The following CPSF2 variants were observed in gnomAD, a reference collection of about 807,000 sequenced individuals.
The protein encoded by CPSF2 is cleavage and polyadenylation specificity factor subunit 2.
Under a neutral mutation model 84.2 loss-of-function variants are expected in CPSF2, and 51 were observed. The ratio of observed to expected loss-of-function variants is 0.61; its 90% CI spans 0.48 to 0.77. The LOEUF is 0.77. Ranked by LOEUF, CPSF2 falls within the 30% of genes least tolerant of loss-of-function variation. The probability of loss-of-function intolerance (pLI) is 0.00; values close to 1 mark genes in which losing one functional copy is unlikely to be tolerated. For missense variants in CPSF2, 641 were observed against 929.4 expected, an observed-to-expected ratio of 0.69 and a Z score of 4.03; for synonymous variants, 286 against 311.9, an observed-to-expected ratio of 0.92 and a Z score of 0.87.
At chr14:92,145,521 T>G (rs1202017566) in intron 9 of CPSF2, among the ~76,000 whole-genome samples, 9 of 152,216 alleles carry the variant, frequency 5.9e-5, no homozygotes, top group Non-Finnish European at 8.8e-5. Context: ...AAATCTGAGA[T>G]ATATGTACTA....
At chr14:92,146,185 T>C (rs548615843) in intron 9 of CPSF2, among the ~76,000 whole-genome samples, 1 of 152,352 alleles carries the variant, frequency 6.6e-6, no homozygotes, top group South Asian at 2.1e-4. Flanking sequence ...TTCTGTGGCA[T>C]GTTGGGCAGA....
At position 92,142,201 on chromosome 14, in the gene CPSF2, G is replaced by A. The variant is rs1332400201; in HGVS notation, c.699G>A (p.Val233=). 6.2e-7 allele frequency: 1 copy of A among 1,613,312 alleles called. No homozygotes were observed. Among genetic ancestry groups the A allele is most frequent in the Non-Finnish European group, 8.5e-7 (1 of 1,179,490 alleles). The stretch of plus-strand genomic sequence containing the variant: ...AAACACTTCGAGGTGATGGAAATGT[G>A]TTAATAGCAGTGGACACAGCAGGCA... ...VLETLRGDGN[V]LIAVDTAGRV... is the part of the protein sequence containing the mutation. The change falls in exon 8 of 16, where the codon GTG becomes GTA. Residue 233 remains valine, a synonymous_variant. Coordinates refer to ENST00000298875, the MANE Select transcript of CPSF2 (RefSeq NM_017437.3).
At chr14:92,132,922 C>T (rs2068951425) in intron 3 of CPSF2, among the ~76,000 whole-genome samples, 1 of 151,562 alleles carries the variant, frequency 6.6e-6, no homozygotes, top group African/African-American at 2.4e-5. Context: ...GAAAGTGTGT[C>T]TCTACTAAAA....
In CPSF2 at chr14:92,156,460, T is replaced by A. The variant is rs2069291660; in HGVS notation, c.1443-19T>A. 1 of 1,600,602 alleles carries A rather than the reference T, an allele frequency of 6.2e-7. No homozygotes were observed. Among genetic ancestry groups the A allele is most frequent in the South Asian group, 1.1e-5 (1 of 89,708 alleles). On this transcript the variant is annotated intron_variant, in intron 11 of 15. Coordinates refer to ENST00000298875, the MANE Select transcript of CPSF2 (RefSeq NM_017437.3). ...TTAGCTTGCTTTTTACTGCTTCTAA[T>A]TAGAGACTTATTATTTAGACCAGAG...
At chr14:92,159,388 G>A in intron 14 of CPSF2, 106 bp downstream of exon 14, 1 of 823,848 alleles carries the variant, frequency 1.2e-6, no homozygotes. Flanking sequence ...TGGGTCTGTG[G>A]AACCTTTTAT....
intron 1 of CPSF2, among the ~76,000 whole-genome samples, chr14:92,125,287 C>G (rs756995390): frequency 6.6e-6 from 1 of 152,112 alleles, no homozygotes; most frequent in Non-Finnish European, 1.5e-5. Flanking sequence ...GAAGAATAAT[C>G]AGGAACTGGT....
intron 7 of CPSF2, 115 bp from the exon 8 acceptor site, chr14:92,142,049 G>T: frequency 1.3e-6 from 1 of 794,252 alleles, no homozygotes; most frequent in Non-Finnish European, 1.9e-6. Flanking sequence ...TGGCCTAGTA[G>T]TTGCTTATTT....
rs2069311316 is a variant in CPSF2, at chr14:92,157,854, T to C, written c.1791T>C (p.Val597=). Residue 597 remains valine, a synonymous_variant, in exon 13 of 16, where the codon GTT becomes GTC. Coordinates refer to ENST00000298875, the MANE Select transcript of CPSF2 (RefSeq NM_017437.3). This position sits in a 1 kb window ranked among gnomAD's most constrained non-coding sequence, Gnocchi z 4.0. The part of the protein sequence containing the change: ...KVYMPKLHET[V]DATSETHIYQ... ...ACATGCCAAAGCTACATGAAACAGT[T>C]GATGCCACTAGTGAAACTCACATCT... The C allele has an allele frequency of 6.2e-7, 1 of 1,614,032 alleles. No individual in the cohort carries two copies. The highest frequency in any genetic ancestry group is 2.2e-5 in the East Asian group (1 of 44,880).
At chr14:92,122,209 A>C in intron 1 of CPSF2, 81 bp downstream of exon 1, 7 of 292,974 alleles carry the variant, frequency 2.4e-5, no homozygotes, top group Non-Finnish European at 3.3e-5. Context: ...CGGGGCCCCG[A>C]CTCCGACCCG....
chr14:92,158,875 T>C, intron 13 of CPSF2, 108 bp from the exon 14 acceptor site: 3 of 1,029,498 alleles, frequency 2.9e-6, no homozygotes, highest in Non-Finnish European at 4.2e-6. Context: ...TGAAAGATTT[T>C]CCAATTTTAA....
intron 9 of CPSF2, among the ~76,000 whole-genome samples, chr14:92,147,352 G>A (rs1281981764): frequency 2.0e-5 from 3 of 152,162 alleles, no homozygotes; most frequent in African/African-American, 7.2e-5. Context: ...AATGAACAAC[G>A]AAGGATTAAT....
In CPSF2 at chr14:92,143,139, A is replaced by T. The variant is rs1471476028; in HGVS notation, c.985A>T (p.Ser329Cys). Reference sequence around the variant, plus strand: ...ACCTAGCCCTAAAGTTGTACTTGCCAGCCAACCTGACCTGGAATGCGGATT... The same window carrying T: ...ACCTAGCCCTAAAGTTGTACTTGCCTGCCAACCTGACCTGGAATGCGGATT... ...RVPSPKVVLA[S>C]QPDLECGFSR... The change falls in exon 9 of 16, where the codon AGC (serine) becomes TGC (cysteine). Residue 329 changes from serine to cysteine, a missense_variant. Physicochemically the swap from Ser to Cys is moderately radical, Grantham distance 112. Transcript: ENST00000298875. 6.2e-7 allele frequency: 1 copy of T among 1,614,106 alleles called. No homozygotes were observed. Among genetic ancestry groups the T allele is most frequent in the South Asian group, 1.1e-5 (1 of 91,074 alleles).
At chr14:92,146,436 G>A (rs1193610360) in intron 9 of CPSF2, among the ~76,000 whole-genome samples, 3 of 152,120 alleles carry the variant, frequency 2.0e-5, no homozygotes, top group African/African-American at 7.2e-5. Context: ...CAGGAGAATC[G>A]CTTGAACCTG....
intron 7 of CPSF2, among the ~76,000 whole-genome samples, chr14:92,139,465 G>A (rs28372249): frequency 0.51 from 76,724 of 150,130 alleles, 21,058 homozygotes; most frequent in East Asian, 0.98. Flanking sequence ...AAATGAGGCT[G>A]TAAATATTCC....
At chr14:92,155,751 A>T in intron 11 of CPSF2, among the ~76,000 whole-genome samples, 1 of 143,720 alleles carries the variant, frequency 7.0e-6, no homozygotes, top group East Asian at 2.3e-4. Flanking sequence ...CAATATAGTG[A>T]GACCCCCATC....
At chr14:92,158,210 G>C (rs565072978) in intron 13 of CPSF2, among the ~76,000 whole-genome samples, 6 of 152,304 alleles carry the variant, frequency 3.9e-5, no homozygotes, top group South Asian at 2.1e-4. Context: ...AGTAGGAAAG[G>C]GGGGGAAGAG....
chr14:92,122,849 C>T (rs1301244485), intron 1 of CPSF2, among the ~76,000 whole-genome samples: 2 of 144,338 alleles, frequency 1.4e-5, no homozygotes, highest in South Asian at 4.4e-4. Flanking sequence ...TTTCTTTTTT[C>T]TTTCTTTTTT....
Position 92,155,222 on chromosome 14 carries a change from C to T in CPSF2, c.1341C>T (p.Gly447=), listed in dbSNP as rs1403826421. 6.2e-7 allele frequency: 1 copy of T among 1,613,742 alleles called. No homozygotes were observed. The highest frequency in any genetic ancestry group is 8.5e-7 in the Non-Finnish European group (1 of 1,179,834). Residue 447 remains glycine (G), a synonymous_variant, in exon 11 of 16, where the codon GGC becomes GGT. Coordinates refer to ENST00000298875, the MANE Select transcript of CPSF2 (RefSeq NM_017437.3). ...ATGACTTGATGATGAAAGGTGAAGG[C>T]AGTCGTAAAGGAAGTTTTTTCAAAC... ...TKHDLMMKGE[G]SRKGSFFKQA... is the part of the protein sequence containing the mutation.
At chr14:92,158,569 A>G (rs1285724478) in intron 13 of CPSF2, among the ~76,000 whole-genome samples, 1 of 152,190 alleles carries the variant, frequency 6.6e-6, no homozygotes, top group Admixed American at 6.5e-5. Flanking sequence ...TTCAGTACCT[A>G]CTGAAGTATG....
Sources: allele counts gnomAD v4.1 joint callset (sites outside exome capture counted in the v4.1 genomes callset), GRCh38; gene constraint gnomAD v4.1.1; non-coding constraint Gnocchi (gnomAD v3.1); transcripts MANE v1.5; gene names NCBI Gene and HGNC (gene_info 2026-07-23, HGNC 2026-07-21).